SCN9A: variants seen among roughly 807,000 people sequenced by gnomAD.
The protein encoded by SCN9A is sodium channel protein type 9 subunit alpha.
SCN9A carries 131 observed loss-of-function variants against 187.0 expected under a neutral mutation model. The ratio of observed to expected loss-of-function variants is 0.70; its 90% CI spans 0.61 to 0.81. The LOEUF is 0.81. SCN9A is among the 30% of genes least tolerant of loss of function. The probability of loss-of-function intolerance (pLI) is 0.00; values close to 1 mark genes in which losing one functional copy is unlikely to be tolerated. For missense variants in SCN9A, 2,252 were observed against 2,396.6 expected (o/e 0.94, Z 1.26); for synonymous variants, 809 against 808.6 (o/e 1.00, Z -0.01).
intron 24 of SCN9A, among the ~76,000 whole-genome samples, chr2:166,219,605 A>G (rs1172503952): frequency 6.6e-6 from 1 of 152,084 alleles, no homozygotes; most frequent in Non-Finnish European, 1.5e-5. Flanking sequence ...GGGTCAGGAA[A>G]AATAACCAAT....
intron 1 of SCN9A, among the ~76,000 whole-genome samples, chr2:166,331,821 C>G (rs1699509760): frequency 6.6e-6 from 1 of 152,062 alleles, no homozygotes; most frequent in Non-Finnish European, 1.5e-5. Flanking sequence ...GTTTCATATT[C>G]CACTAACTTT....
chr2:166,340,795 C>T (rs141083667), intron 1 of SCN9A, among the ~76,000 whole-genome samples: 1 of 151,428 alleles, frequency 6.6e-6, no homozygotes, highest in Non-Finnish European at 1.5e-5. Flanking sequence ...TAAGTTTTGT[C>T]TATTTTTTAT....
intron 1 of SCN9A, among the ~76,000 whole-genome samples, chr2:166,338,070 G>T (rs1699672559): frequency 6.6e-6 from 1 of 152,086 alleles, no homozygotes; most frequent in Admixed American, 6.6e-5. Flanking sequence ...TCAAACGGAG[G>T]AGTAGTGCCA....
In SCN9A at chr2:166,272,697, G is replaced by A; in HGVS notation, c.3053C>T (p.Pro1018Leu). The stretch of plus-strand genomic sequence containing the variant: ...TTGTCTTATCTCCCTGGAAATCTTT[G>A]GCTTTTTGGAAAATGCTTTTAGAAT... Reference protein sequence around the residue: ...EFILKAFSKKPKISREIRQAE... With the variant: ...EFILKAFSKKLKISREIRQAE... The change falls in exon 17 of 27, where the codon CCA (proline) becomes CTA (leucine). Residue 1018 changes from proline to leucine, a missense_variant. This residue lies in a region of SCN9A where 313 missense variants were observed against 295.3 expected (regional missense o/e 1.06). Transcript: ENST00000642356. The A allele has an allele frequency of 6.3e-7, 1 of 1,596,270 alleles. No homozygotes were observed. Among genetic ancestry groups the A allele is most frequent in the Non-Finnish European group, 8.5e-7 (1 of 1,171,762 alleles).
At chr2:166,372,522 G>A (rs1352607318) in intron 1 of SCN9A, among the ~76,000 whole-genome samples, 2 of 152,034 alleles carry the variant, frequency 1.3e-5, no homozygotes, top group Non-Finnish European at 2.9e-5. Context: ...ATTAGTTTAT[G>A]CAATCCAATT....
intron 24 of SCN9A, among the ~76,000 whole-genome samples, chr2:166,222,939 AAACAAC>A (rs1694662516): frequency 5.8e-5 from 6 of 103,508 alleles, no homozygotes; most frequent in Admixed American, 1.8e-4. Context: ...TCAAAAAAAA[AAACAAC>A]AAAAAAAAAA....
rs1190312564 is a variant in SCN9A, at chr2:166,305,655, C to T, written c.596+137G>A. Reference sequence around the variant, plus strand: ...TATTTGCCTATCAATGACTAGCTTTCATATAGCTTCCATTTTCCTTTAAAT... The same window carrying T: ...TATTTGCCTATCAATGACTAGCTTTTATATAGCTTCCATTTTCCTTTAAAT... On this transcript the variant is annotated intron_variant, in intron 5 of 26. Transcript: ENST00000642356. The T allele has an allele frequency of 1.5e-5, 17 of 1,166,360 alleles. No individual in the cohort carries two copies. The African/African-American group carries it at 2.2e-4, about 15-fold the overall frequency. 72.3% of individuals were successfully genotyped at this position (1,166,360 alleles called of 1,614,324 possible). A position where few individuals can be genotyped will look rare whatever the true frequency, so the allele number is the denominator to read the frequency against.
At chr2:166,370,371 G>A (rs898723184) in intron 1 of SCN9A, among the ~76,000 whole-genome samples, 1 of 150,684 alleles carries the variant, frequency 6.6e-6, no homozygotes, top group Non-Finnish European at 1.5e-5. Flanking sequence ...GTGAAACTCC[G>A]TCTCTACTAA....
intron 17 of SCN9A, among the ~76,000 whole-genome samples, chr2:166,256,148 T>C (rs1696264308): frequency 6.6e-6 from 1 of 151,226 alleles, no homozygotes; most frequent in Non-Finnish European, 1.5e-5. Context: ...ATAACCTTTC[T>C]TCTCTCTTGC....
intron 24 of SCN9A, among the ~76,000 whole-genome samples, chr2:166,221,306 T>C (rs2106374897): frequency 6.6e-6 from 1 of 152,012 alleles, no homozygotes; most frequent in South Asian, 2.1e-4. Context: ...TAAAAAAAGA[T>C]CCTAAAATTC....
At chr2:166,365,128 A>C (rs940773413) in intron 1 of SCN9A, among the ~76,000 whole-genome samples, 12 of 152,276 alleles carry the variant, frequency 7.9e-5, no homozygotes, top group African/African-American at 2.9e-4. Context: ...AGTTACTCTC[A>C]ATTGTAATCT....
chr2:166,370,498 G>A (rs927421852), intron 1 of SCN9A, among the ~76,000 whole-genome samples: 5 of 150,598 alleles, frequency 3.3e-5, no homozygotes, highest in African/African-American at 9.7e-5. Flanking sequence ...AGCCAAGATC[G>A]CGCCACTGCA....
At chr2:166,259,246 G>A (rs1335742275) in intron 17 of SCN9A, 1 of 151,632 alleles carries the variant, frequency 6.6e-6, no homozygotes, top group Non-Finnish European at 1.5e-5. Context: ...CTGGTTAAAA[G>A]CACAGAGCTG....
intron 18 of SCN9A, 65 bp from the exon 19 acceptor site, chr2:166,242,721 T>C: frequency 7.9e-7 from 1 of 1,271,554 alleles, no homozygotes; most frequent in South Asian, 1.6e-5. Context: ...TAATACATTA[T>C]TTAATGCAAA....
intron 20 of SCN9A, among the ~76,000 whole-genome samples, chr2:166,234,479 T>A (rs1368093552): frequency 6.6e-6 from 1 of 152,168 alleles, no homozygotes; most frequent in East Asian, 1.9e-4. Flanking sequence ...GTAGAAAAAG[T>A]CATTGTTCAC....
intron 1 of SCN9A, among the ~76,000 whole-genome samples, chr2:166,331,198 C>G (rs1699494823): frequency 6.6e-6 from 1 of 152,084 alleles, no homozygotes; most frequent in Non-Finnish European, 1.5e-5. Flanking sequence ...TGGCTTCATT[C>G]TCTTTGATCT....
At chr2:166,362,555 A>C (rs925473407) in intron 1 of SCN9A, among the ~76,000 whole-genome samples, 3 of 152,020 alleles carry the variant, frequency 2.0e-5, no homozygotes. Flanking sequence ...GTCATGAAGA[A>C]TATTCCAAAT....
chr2:166,219,056 T>A, intron 24 of SCN9A, among the ~76,000 whole-genome samples: 1 of 151,674 alleles, frequency 6.6e-6, no homozygotes, highest in African/African-American at 2.4e-5. Context: ...TATGAAAAAG[T>A]CAAAAAATAA....
chr2:166,375,327 T>C (rs772133229), intron 1 of SCN9A, among the ~76,000 whole-genome samples: 1 of 152,168 alleles, frequency 6.6e-6, no homozygotes. Context: ...AAATGTGAGC[T>C]GCCCCTTGAA....
Sources: gnomAD v4.1 joint callset for allele counts (sites outside exome capture counted in the v4.1 genomes callset) on GRCh38, gnomAD v4.1.1 for gene constraint, gnomAD v4.1.1 regional missense constraint, MANE v1.5 for transcripts, NCBI Gene and HGNC (gene_info 2026-07-23, HGNC 2026-07-21) for gene names.